The following SINHCAF variants were observed in gnomAD, a reference collection of about 807,000 sequenced individuals.
SINHCAF encodes the protein SIN3-HDAC complex-associated factor.
Under a neutral mutation model 25.8 loss-of-function variants are expected in SINHCAF, and 3 were observed. That is an observed-to-expected ratio of 0.12 (90% CI 0.05 to 0.30). The LOEUF is 0.30. Among genes scored for constraint, SINHCAF ranks in the 10% least tolerant of loss-of-function variants. The pLI is 1.00. For missense variants in SINHCAF, 121 were observed against 262.3 expected, an observed-to-expected ratio of 0.46 and a Z score of 3.72; for synonymous variants, 70 against 85.5, an observed-to-expected ratio of 0.82 and a Z score of 1.00.
At chr12:31,302,921 A>T (rs1340492269) in intron 1 of SINHCAF, 5 of 984,986 alleles carry the variant, frequency 5.1e-6, no homozygotes, top group Non-Finnish European at 6.0e-6. Flanking sequence ...GCCTTAGTTA[A>T]TAGGCCATGG....
chr12:31,302,768 A>G (rs1001732018), intron 1 of SINHCAF, among the ~76,000 whole-genome samples: 7 of 152,082 alleles, frequency 4.6e-5, no homozygotes, highest in African/African-American at 1.4e-4. Flanking sequence ...AGAAGGATTA[A>G]TAATTGTGTA....
chr12:31,306,755 C>T (rs1939042048), intron 1 of SINHCAF, among the ~76,000 whole-genome samples: 1 of 152,162 alleles, frequency 6.6e-6, no homozygotes, highest in African/African-American at 2.4e-5. Context: ...TTACGGGTTG[C>T]CCTGAGAAGG....
chr12:31,322,214 ATC>A (rs1400332149), intron 1 of SINHCAF, among the ~76,000 whole-genome samples: 4 of 152,306 alleles, frequency 2.6e-5, no homozygotes, highest in South Asian at 2.1e-4. Context: ...GATAATCCAA[ATC>A]TCTGTTTTAC....
At chr12:31,286,469 C>CA (rs1336948415) in intron 5 of SINHCAF, among the ~76,000 whole-genome samples, 1 of 152,044 alleles carries the variant, frequency 6.6e-6, no homozygotes, top group Non-Finnish European at 1.5e-5. Context: ...CGAGACCAGC[C>CA]TGACCAACAT....
chr12:31,318,801 G>A (rs1939596082), intron 1 of SINHCAF, among the ~76,000 whole-genome samples: 1 of 152,072 alleles, frequency 6.6e-6, no homozygotes, highest in Non-Finnish European at 1.5e-5. Flanking sequence ...CCATACTTGG[G>A]TCTGCAATGA....
In SINHCAF at chr12:31,281,193, C is replaced by T. The variant is rs1313193093; in HGVS notation, c.*1519G>A. 1.3e-5 allele frequency: 2 copies of T among 152,126 alleles called. No individual in the cohort carries two copies. The highest frequency in any genetic ancestry group is 2.9e-5 in the Non-Finnish European group (2 of 68,006). The allele number at this position is 152,126 out of a possible 1,614,324, so 9.4% of individuals were successfully genotyped here. A position where few individuals can be genotyped will look rare whatever the true frequency, so the allele number is the denominator to read the frequency against. Reference sequence around the variant, plus strand: ...AAAAGACTGAACTGGCAATGCTTTTCCTGAACATTTAGAAAAGAGGCAGTA... The same window carrying T: ...AAAAGACTGAACTGGCAATGCTTTTTCTGAACATTTAGAAAAGAGGCAGTA... On this transcript the variant is annotated 3_prime_UTR_variant, in exon 6 of 6. Transcript: ENST00000337682.
chr12:31,293,396 T>C (rs1316317151), intron 4 of SINHCAF, among the ~76,000 whole-genome samples: 2 of 152,218 alleles, frequency 1.3e-5, no homozygotes, highest in South Asian at 2.1e-4. Flanking sequence ...ATATGTGCGT[T>C]ATGATTTCTA....
chr12:31,296,652 G>A (rs776226553), intron 2 of SINHCAF, among the ~76,000 whole-genome samples: 5 of 151,902 alleles, frequency 3.3e-5, no homozygotes, highest in Non-Finnish European at 5.9e-5. Flanking sequence ...CCGGGAGTTC[G>A]AGACCAGCCT....
At chr12:31,282,948 A>G (rs1327595614) in intron 5 of SINHCAF, 77 bp from the exon 6 acceptor site, 15 of 1,114,094 alleles carry the variant, frequency 1.3e-5, no homozygotes, top group East Asian at 2.5e-5. Context: ...ACTCACTATT[A>G]TAACTAGTCC....
intron 1 of SINHCAF, 41 bp from the exon 2 acceptor site, chr12:31,298,265 G>GT: frequency 6.2e-7 from 1 of 1,607,066 alleles, no homozygotes; most frequent in Non-Finnish European, 8.5e-7. Flanking sequence ...GTTGAGGGCT[G>GT]TAACAAGGAA....
intron 1 of SINHCAF, chr12:31,303,502 T>C (rs1034816885): frequency 6.6e-6 from 1 of 152,042 alleles, no homozygotes; most frequent in Non-Finnish European, 1.5e-5. Flanking sequence ...TTTATCAAGA[T>C]AGGGTTTCAC....
intron 4 of SINHCAF, among the ~76,000 whole-genome samples, chr12:31,291,672 G>A (rs1305580903): frequency 6.6e-6 from 1 of 152,144 alleles, no homozygotes; most frequent in African/African-American, 2.4e-5. Context: ...GCTGAGGCAG[G>A]AGAATCGCTT....
At chr12:31,309,685 A>ATTTTT (rs1555115744) in intron 1 of SINHCAF, among the ~76,000 whole-genome samples, 1 of 95,954 alleles carries the variant, frequency 1.0e-5, no homozygotes, top group African/African-American at 4.1e-5. Context: ...TTTTTTTTTG[A>ATTTTT]GACGGAGTCT....
intron 5 of SINHCAF, among the ~76,000 whole-genome samples, chr12:31,286,939 A>G (rs1938106772): frequency 6.6e-6 from 1 of 151,944 alleles, no homozygotes; most frequent in Non-Finnish European, 1.5e-5. Context: ...GTTTTTTTAA[A>G]TAGAGTCTTG....
At chr12:31,301,247 C>A (rs1417801662) in intron 1 of SINHCAF, among the ~76,000 whole-genome samples, 2 of 152,178 alleles carry the variant, frequency 1.3e-5, no homozygotes, top group Admixed American at 1.3e-4. Context: ...GGGACCTCCA[C>A]AAAACTTACC....
chr12:31,282,722 T>C lies in SINHCAF; in HGVS notation c.656A>G (p.Gln219Arg). 1 of 1,584,364 alleles carries C rather than the reference T, an allele frequency of 6.3e-7. No individual in the cohort carries two copies. Among genetic ancestry groups the C allele is most frequent in the Non-Finnish European group, 8.5e-7 (1 of 1,171,380 alleles). The change falls in exon 6 of 6, where the codon CAG (glutamine) becomes CGG (arginine). Residue 219 changes from glutamine to arginine, a missense_variant. Coordinates refer to ENST00000337682, the MANE Select transcript of SINHCAF (RefSeq NM_001135812.2). The stretch of plus-strand genomic sequence containing the variant: ...ACATAAAAACCTCAGTCACCACTCC[T>C]GAGTGGAGATGGGCAGAGGCTCTGG... ...QGPEPLPIST[Q>R]EW is the part of the protein sequence containing the mutation.
At position 31,298,228 on chromosome 12, in the gene SINHCAF, T is replaced by C. The variant is rs1464989393; in HGVS notation, c.-20-4A>G. ...ATCTTTTCTTCTGGGCAATAGTCTGTAAAGCCAAGGGAATTGACATATCTT... is the reference window on the plus strand; with the variant it reads ...ATCTTTTCTTCTGGGCAATAGTCTGCAAAGCCAAGGGAATTGACATATCTT... On this transcript the variant is annotated splice_polypyrimidine_tract_variant and splice_region_variant and intron_variant, in intron 1 of 5. Transcript: ENST00000337682. 5.0e-6 allele frequency: 8 copies of C among 1,613,478 alleles called. No homozygotes were observed. The Admixed American group carries it at 1.3e-4, about 27-fold the overall frequency.
At chr12:31,313,316 C>T (rs1214222947) in intron 1 of SINHCAF, among the ~76,000 whole-genome samples, 1 of 152,164 alleles carries the variant, frequency 6.6e-6, no homozygotes, top group Admixed American at 6.5e-5. Flanking sequence ...TGTGAGCCAC[C>T]CCATGCAGCC....
intron 1 of SINHCAF, among the ~76,000 whole-genome samples, chr12:31,321,098 G>T (rs757765362): frequency 2.6e-5 from 4 of 152,046 alleles, no homozygotes; most frequent in Admixed American, 6.6e-5. Context: ...TCCCTTTTTG[G>T]ACTAGATGAC....
Sources: allele counts gnomAD v4.1 joint callset (sites outside exome capture counted in the v4.1 genomes callset), GRCh38; gene constraint gnomAD v4.1.1; transcripts MANE v1.5; gene names NCBI Gene and HGNC (gene_info 2026-07-23, HGNC 2026-07-21).